TMEM259: variants seen among roughly 807,000 people sequenced by gnomAD.
The protein encoded by TMEM259 is membralin.
In TMEM259, 26 loss-of-function variants were observed where a neutral mutation model predicts 46.7. The observed-to-expected ratio is 0.56, with a 90% CI of 0.41 to 0.77. The LOEUF (loss-of-function observed/expected upper bound fraction) is 0.77, where lower values mean the gene tolerates loss of function less well. Among genes scored for constraint, TMEM259 ranks in the 30% least tolerant of loss-of-function variants. The probability of loss-of-function intolerance (pLI) is 0.00; values close to 1 mark genes in which losing one functional copy is unlikely to be tolerated. For synonymous variants in TMEM259, 494 were observed against 395.1 expected, an observed-to-expected ratio of 1.25 and a Z score of -2.97; for missense variants, 930 against 900.5, an observed-to-expected ratio of 1.03 and a Z score of -0.42.
intron 10 of TMEM259, 32 bp from the exon 11 acceptor site, chr19:1,010,927 C>G: frequency 6.4e-7 from 1 of 1,572,592 alleles, no homozygotes; most frequent in East Asian, 2.3e-5. Flanking sequence ...TCAGGACGGG[C>G]CCGCCCCTGC....
chr19:1,013,219 ACACCTTTGGTGGGTGGCC>A lies in TMEM259; in HGVS notation c.607+4_607+21del, dbSNP rs757894797. On this transcript the variant is annotated splice_donor_5th_base_variant and intron_variant, in intron 3 of 10. Coordinates refer to ENST00000356663, the MANE Select transcript of TMEM259 (RefSeq NM_001033026.2). Reference sequence around the variant, plus strand: ...GACTGAGGCAACCCCGTGAGGCAGTACACCTTTGGTGGGTGGCCTACCTTTGGTGGGCGTCTCGGGGAA... The same window carrying A: ...GACTGAGGCAACCCCGTGAGGCAGTATACCTTTGGTGGGCGTCTCGGGGAA... The A allele has an allele frequency of 1.9e-6, 3 of 1,604,846 alleles. No homozygotes were observed. The African/African-American group carries it at 4.0e-5, about 21-fold the overall frequency.
At chr19:1,012,044 T>C in intron 5 of TMEM259, 22 bp downstream of exon 5, 1 of 1,611,570 alleles carries the variant, frequency 6.2e-7, no homozygotes, top group Non-Finnish European at 8.5e-7. Context: ...CCTCGCACCC[T>C]CGGCCCCGGG....
Position 1,020,769 on chromosome 19 carries a change from C to A in TMEM259, c.225+3G>T. On this transcript the variant is annotated splice_donor_region_variant and intron_variant, in intron 1 of 10. Transcript: ENST00000356663. This position sits in a 1 kb window ranked among gnomAD's most constrained non-coding sequence, Gnocchi z 4.0. ...AAGGGTCGGGGGTCGGGGCCGCGGT[C>A]ACCTTGAGCAGCACGAAGAACTCGA... 1.5e-6 allele frequency: 2 copies of A among 1,322,314 alleles called. No individual in the cohort carries two copies. The highest frequency in any genetic ancestry group is 3.0e-5 in the East Asian group (1 of 33,428). The allele number at this position is 1,322,314 out of a possible 1,614,324, so 81.9% of individuals were successfully genotyped here. A position where few individuals can be genotyped will look rare whatever the true frequency, so the allele number is the denominator to read the frequency against.
chr19:1,018,058 C>G (rs916149320), intron 1 of TMEM259, among the ~76,000 whole-genome samples: 5 of 152,198 alleles, frequency 3.3e-5, no homozygotes, highest in Non-Finnish European at 5.9e-5. Context: ...GGGCCCCTGC[C>G]CATGTCCAGG....
intron 2 of TMEM259, 41 bp downstream of exon 2, chr19:1,014,151 G>A (rs1189593721): frequency 1.3e-6 from 2 of 1,581,248 alleles, no homozygotes; most frequent in Non-Finnish European, 8.6e-7. Flanking sequence ...GCATCTACGG[G>A]GCGCTGGCCT....
rs1357728936 is a variant in TMEM259 at position 1,014,268 on chromosome 19, G to A, written c.431C>T (p.Pro144Leu). ...RGSFPGLAVE[P>L]GSNLDMEDEE... The stretch of plus-strand genomic sequence containing the variant: ...ATCTTCCATGTCCAGGTTGCTGCCT[G>A]GTTCCACGGCCAGGCCCGGGAAGCT... Residue 144 changes from proline to leucine, a missense_variant, in exon 2 of 11, where the codon CCA (proline) becomes CTA (leucine). Transcript: ENST00000356663. 2 of 1,613,054 alleles carry A rather than the reference G, an allele frequency of 1.2e-6. No individual in the cohort carries two copies. The highest frequency in any genetic ancestry group is 1.7e-6 in the Non-Finnish European group (2 of 1,179,840).
At position 1,020,156 on chromosome 19, in the gene TMEM259, C is replaced by A. The variant is rs1161525639; in HGVS notation, c.225+616G>T. Among the ~76,000 whole-genome samples, 1 of 152,032 alleles carries A rather than the reference C, an allele frequency of 6.6e-6. No homozygotes were observed. Among genetic ancestry groups the A allele is most frequent in the South Asian group, 2.1e-4 (1 of 4,826 alleles). ...CTGCTGCCGGTGACTTTGCCGCTAA[C>A]CCTAGCGAGGTGACCTCAGCTAAGT... On this transcript the variant is annotated intron_variant, in intron 1 of 10. Coordinates refer to ENST00000356663, the MANE Select transcript of TMEM259 (RefSeq NM_001033026.2). The surrounding 1 kb of genome is among the most constrained non-coding windows in gnomAD (Gnocchi z 4.0).
At chr19:1,017,242 C>T (rs2039139907) in intron 1 of TMEM259, 1 of 400,036 alleles carries the variant, frequency 2.5e-6, no homozygotes, top group Non-Finnish European at 4.4e-6. Context: ...CAGGCAGCCT[C>T]GTCCACGCCC....
Position 1,010,390 on chromosome 19 carries a change from G to A in TMEM259, c.1823C>T (p.Ser608Phe), listed in dbSNP as rs1599467241. The change falls in exon 11 of 11, where the codon TCC (serine) becomes TTC (phenylalanine). Residue 608 changes from serine to phenylalanine, a missense_variant. Coordinates refer to ENST00000356663, the MANE Select transcript of TMEM259 (RefSeq NM_001033026.2). ...GAAVGGPSPA[S>F]MAPTEAPSEV... is the part of the protein sequence containing the mutation. ...CGAGGGCGCCTCCGTTGGGGCCATGGAGGCCGGGCTAGGCCCGCCTACCGC... is the reference window on the plus strand; with the variant it reads ...CGAGGGCGCCTCCGTTGGGGCCATGAAGGCCGGGCTAGGCCCGCCTACCGC... The A allele has an allele frequency of 6.6e-7, 1 of 1,509,802 alleles. No homozygotes were observed. Among genetic ancestry groups the A allele is most frequent in the Non-Finnish European group, 8.8e-7 (1 of 1,136,316 alleles). 93.5% of individuals were successfully genotyped at this position (1,509,802 alleles called of 1,614,324 possible).
chr19:1,010,250 G>T lies in TMEM259; in HGVS notation c.*100C>A. The T allele has an allele frequency of 8.8e-7, 1 of 1,138,242 alleles. No homozygotes were observed. The highest frequency in any genetic ancestry group is 1.2e-6 in the Non-Finnish European group (1 of 851,446). The allele number at this position is 1,138,242 out of a possible 1,614,324, so 70.5% of individuals were successfully genotyped here. ...CCTGAAAGCCCCCGACACAGGCTGG[G>T]CAGTCCCAGAGGAAGGAGGTGGCTG... On this transcript the variant is annotated 3_prime_UTR_variant, in exon 11 of 11. Transcript: ENST00000356663.
In TMEM259 at chr19:1,020,247, G is replaced by GT. The variant is rs1481954982; in HGVS notation, c.225+524dup. The stretch of plus-strand genomic sequence containing the variant: ...AGGCTACAAGGAGGGAGAGAGGGGA[G>GT]TGGGGAGTCGACTTCCAGGACAGGG... On this transcript the variant is annotated intron_variant, in intron 1 of 10. Coordinates refer to ENST00000356663, the MANE Select transcript of TMEM259 (RefSeq NM_001033026.2). The surrounding 1 kb of genome is among the most constrained non-coding windows in gnomAD (Gnocchi z 4.0). Among the ~76,000 whole-genome samples, 4 of 152,078 alleles carry GT rather than the reference G, an allele frequency of 2.6e-5. No individual in the cohort carries two copies. The highest frequency in any genetic ancestry group is 4.4e-5 in the Non-Finnish European group (3 of 68,004).
rs758954365 is a variant in TMEM259 at position 1,011,909 on chromosome 19, C to T, written c.925G>A (p.Ala309Thr). ...GCACTCACGAAGATGACCATGATGG[C>T]GAAGGCGGCCAGGTAGGACGTCCGC... ...MARTSYLAAF[A>T]IMVIFTLSVS... The change falls in exon 6 of 11, where the codon GCC becomes ACC. Residue 309 changes from alanine (A) to threonine (T), a missense_variant. Coordinates refer to ENST00000356663, the MANE Select transcript of TMEM259 (RefSeq NM_001033026.2). 6 of 1,610,012 alleles carry T rather than the reference C, an allele frequency of 3.7e-6. No homozygotes were observed. Among genetic ancestry groups the T allele is most frequent in the East Asian group, 4.5e-5 (2 of 44,774 alleles).
At chr19:1,011,029 C>A in intron 10 of TMEM259, 67 bp downstream of exon 10, 1 of 1,549,632 alleles carries the variant, frequency 6.5e-7, no homozygotes, top group Non-Finnish European at 8.7e-7. Context: ...GCATCCTCCC[C>A]GGCTGCAGCC....
Position 1,012,191 on chromosome 19 carries a change from G to A in TMEM259, c.719-3C>T. On this transcript the variant is annotated splice_polypyrimidine_tract_variant and splice_region_variant and intron_variant, in intron 4 of 10. Coordinates refer to ENST00000356663, the MANE Select transcript of TMEM259 (RefSeq NM_001033026.2). ...GAAGCACTGGTCCCGCGTGGGGTCT[G>A]CGGGTGGGTGAATCAGGGAGCCGGG... The A allele has an allele frequency of 6.3e-7, 1 of 1,596,978 alleles. No homozygotes were observed. The highest frequency in any genetic ancestry group is 8.5e-7 in the Non-Finnish European group (1 of 1,172,796).
At position 1,010,035 on chromosome 19, in the gene TMEM259, C is replaced by T. The variant is rs1313639641; in HGVS notation, c.*315G>A. 1 of 385,102 alleles carries T rather than the reference C, an allele frequency of 2.6e-6. No individual in the cohort carries two copies. Among genetic ancestry groups the T allele is most frequent in the Non-Finnish European group, 4.6e-6 (1 of 215,680 alleles). The allele number at this position is 385,102 out of a possible 1,614,324, so 23.9% of individuals were successfully genotyped here. Reference sequence around the variant, plus strand: ...CACCTCCGCCTTGCTCAGAGACCTGCACCATGGGACCCCACTCCATCCTCA... The same window carrying T: ...CACCTCCGCCTTGCTCAGAGACCTGTACCATGGGACCCCACTCCATCCTCA... On this transcript the variant is annotated 3_prime_UTR_variant, in exon 11 of 11. Coordinates refer to ENST00000356663, the MANE Select transcript of TMEM259 (RefSeq NM_001033026.2).
Position 1,011,467 on chromosome 19 carries a change from C to A in TMEM259, c.1117G>T (p.Asp373Tyr). The change falls in exon 9 of 11, where the codon GAC becomes TAC. Residue 373 changes from aspartate (D) to tyrosine (Y), a missense_variant. Asp to Tyr is a radical substitution (Grantham distance 160). Coordinates refer to ENST00000356663, the MANE Select transcript of TMEM259 (RefSeq NM_001033026.2). The stretch of plus-strand genomic sequence containing the variant: ...ATGATGTAGAAGGCGGTGGTGGTGT[C>A]GTTGAAGAACTCCGACATGATGGCC... ...MEAIMSEFFN[D>Y]TTTAFYIILI... The A allele has an allele frequency of 1.9e-6, 3 of 1,552,150 alleles. No individual in the cohort carries two copies. Among genetic ancestry groups the A allele is most frequent in the Non-Finnish European group, 2.6e-6 (3 of 1,148,826 alleles).
chr19:1,011,183 G>C lies in TMEM259; in HGVS notation c.1230C>G (p.Leu410=), dbSNP rs374844755. The C allele has an allele frequency of 3.9e-4, 631 of 1,598,884 alleles. No individual in the cohort carries two copies. Among genetic ancestry groups the C allele is most frequent in the Non-Finnish European group, 5.1e-4 (601 of 1,172,630 alleles). The change falls in exon 10 of 11, where the codon CTC becomes CTG. Residue 410 remains leucine (L), a synonymous_variant. Transcript: ENST00000356663. ...SKRHWLRFFY[L]YHFAFYAYHY... ...GATAGGCATAGAAGGCGAAGTGGTA[G>C]AGATAGAAGAACCTGCGGGGCGGGG...
rs2038831359 is a variant in TMEM259 at position 1,009,716 on chromosome 19, T to C, written c.*634A>G. On this transcript the variant is annotated 3_prime_UTR_variant, in exon 11 of 11. Transcript: ENST00000356663. ...TTTTGTACACTGCAATTAAATAGAA[T>C]GGAATGAGCGCTCCTCCGCATTCCT... 4 of 921,424 alleles carry C rather than the reference T, an allele frequency of 4.3e-6. No homozygotes were observed. In the South Asian group the frequency reaches 7.5e-5, roughly 17 times the overall value. 57.1% of individuals were successfully genotyped at this position (921,424 alleles called of 1,614,324 possible).
rs753995364 is a variant in TMEM259 at position 1,010,581 on chromosome 19, G to T, written c.1632C>A (p.Thr544=). 1 of 1,550,750 alleles carries T rather than the reference G, an allele frequency of 6.4e-7. No individual in the cohort carries two copies. The change falls in exon 11 of 11, where the codon ACC becomes ACA. Residue 544 remains threonine (T), a synonymous_variant. Coordinates refer to ENST00000356663, the MANE Select transcript of TMEM259 (RefSeq NM_001033026.2). ...AGGDLGWMAE[T]AAIITDASFL... The stretch of plus-strand genomic sequence containing the variant: ...AGGAGGCGTCTGTGATGATGGCAGC[G>T]GTCTCTGCCATCCAACCCAGGTCAC...
Sources: allele counts gnomAD v4.1 joint callset (sites outside exome capture counted in the v4.1 genomes callset), GRCh38; gene constraint gnomAD v4.1.1; non-coding constraint Gnocchi (gnomAD v3.1); transcripts MANE v1.5; gene names NCBI Gene and HGNC (gene_info 2026-07-23, HGNC 2026-07-21).